WDR25: variants seen among roughly 807,000 people sequenced by gnomAD.
WDR25 encodes WD repeat domain 25.
A neutral mutation model predicts 47.7 loss-of-function variants in WDR25; 35 were observed. The observed-to-expected ratio is 0.73, with a 90% CI of 0.56 to 0.97. The LOEUF (loss-of-function observed/expected upper bound fraction) is 0.97, where lower values mean the gene tolerates loss of function less well. Among genes scored for constraint, WDR25 ranks in the 50% least tolerant of loss-of-function variants. The pLI is 0.00. For synonymous variants in WDR25, 248 were observed against 278.9 expected (o/e 0.89, Z 1.10); for missense variants, 634 against 704.7 (o/e 0.90, Z 1.14).
chr14:100,473,162 G>C (rs1467365292), intron 3 of WDR25, among the ~76,000 whole-genome samples: 4 of 152,220 alleles, frequency 2.6e-5, no homozygotes, highest in African/African-American at 9.6e-5. Context: ...GCTGTGGGCT[G>C]GGCCCTGGGC....
At chr14:100,471,317 C>G (rs979376250) in intron 3 of WDR25, among the ~76,000 whole-genome samples, 6 of 152,154 alleles carry the variant, frequency 3.9e-5, no homozygotes, top group Non-Finnish European at 5.9e-5. Context: ...GCCAGGTCCT[C>G]CTATCTGGGC....
intron 4 of WDR25, among the ~76,000 whole-genome samples, chr14:100,519,853 T>C (rs1352517109): frequency 8.3e-6 from 1 of 120,560 alleles, no homozygotes; most frequent in Admixed American, 8.0e-5. Flanking sequence ...CTATATATGC[T>C]ATATATATAC....
In WDR25 at chr14:100,468,621, A is replaced by G. The variant is rs1003297287; in HGVS notation, c.970+453A>G. ...GTTCTGCTTTAATGCCCACACTGAA[A>G]AGGCACTTGGGTAGGATGGATTCGT... is the stretch of plus-strand genomic sequence containing the variant. On this transcript the variant is annotated intron_variant, in intron 3 of 6. Transcript: ENST00000402312. This position sits in a 1 kb window ranked among gnomAD's most constrained non-coding sequence, Gnocchi z 4.5. Among the ~76,000 whole-genome samples, 2 of 152,168 alleles carry G rather than the reference A, an allele frequency of 1.3e-5. No homozygotes were observed. The highest frequency in any genetic ancestry group is 4.8e-5 in the African/African-American group (2 of 41,428).
intron 2 of WDR25, among the ~76,000 whole-genome samples, chr14:100,412,400 GA>G (rs1319731635): frequency 1.3e-5 from 2 of 152,102 alleles, no homozygotes; most frequent in Non-Finnish European, 2.9e-5. Context: ...AGTAGACCTA[GA>G]AACGTGTCTT....
chr14:100,412,544 A>G lies in WDR25; in HGVS notation c.822+30798A>G, dbSNP rs557527043. ...TGATTGTAAGTATGCATGTGCGTCT[A>G]CGTTAATAAGTTAAACACAAATACA... On this transcript the variant is annotated intron_variant, in intron 2 of 6. Coordinates refer to ENST00000402312, the MANE Select transcript of WDR25 (RefSeq NM_001161476.3). Among the ~76,000 whole-genome samples the G allele has an allele frequency of 6.2e-4, 95 of 152,362 alleles. 3 individuals are homozygous for G. In the South Asian group the frequency reaches 0.019, roughly 31 times the overall value.
intron 2 of WDR25, among the ~76,000 whole-genome samples, chr14:100,413,507 G>A (rs1389732181): frequency 2.1e-4 from 31 of 150,976 alleles, no homozygotes; most frequent in East Asian, 5.9e-4. Flanking sequence ...TCCGCCTCCC[G>A]GGTTCACGCC....
At chr14:100,501,234 G>A (rs2140348026) in intron 4 of WDR25, among the ~76,000 whole-genome samples, 1 of 152,254 alleles carries the variant, frequency 6.6e-6, no homozygotes, top group African/African-American at 2.4e-5. Flanking sequence ...TTCCCAAAGT[G>A]GTCACGAGGA....
At chr14:100,387,104 TG>T (rs1897037561) in intron 2 of WDR25, among the ~76,000 whole-genome samples, 1 of 151,560 alleles carries the variant, frequency 6.6e-6, no homozygotes, top group African/African-American at 2.4e-5. Flanking sequence ...ACTGGTAAAA[TG>T]GGGATAATTG....
intron 2 of WDR25, among the ~76,000 whole-genome samples, chr14:100,413,280 C>A (rs1035025576): frequency 6.6e-6 from 1 of 152,222 alleles, no homozygotes; most frequent in Non-Finnish European, 1.5e-5. Context: ...AGAACCTTTC[C>A]CCTGACCCAC....
At chr14:100,448,878 T>C (rs1367378459) in intron 2 of WDR25, among the ~76,000 whole-genome samples, 1 of 151,758 alleles carries the variant, frequency 6.6e-6, no homozygotes, top group Non-Finnish European at 1.5e-5. Flanking sequence ...GAGTGTCTCA[T>C]GGGAGACAGG....
intron 2 of WDR25, among the ~76,000 whole-genome samples, chr14:100,391,312 G>A (rs942216064): frequency 6.6e-6 from 1 of 152,122 alleles, no homozygotes; most frequent in South Asian, 2.1e-4. Flanking sequence ...TCCGAGGCAG[G>A]CCCTGCGCCA....
Position 100,404,279 on chromosome 14 carries a change from G to A in WDR25, c.822+22533G>A, listed in dbSNP as rs2140176889. ...GTGCGGAGCTGGGAATGGAGTCCAG[G>A]GCTGTTTGCTCCCAAAGTCTATGTT... On this transcript the variant is annotated intron_variant, in intron 2 of 6. Transcript: ENST00000402312. This position sits in a 1 kb window ranked among gnomAD's most constrained non-coding sequence, Gnocchi z 4.6. 6.6e-6 allele frequency among the ~76,000 whole-genome samples: 1 copy of A among 152,332 alleles called. No homozygotes were observed. Among genetic ancestry groups the A allele is most frequent in the South Asian group, 2.1e-4 (1 of 4,832 alleles).
In WDR25 at chr14:100,498,818, G is replaced by A. The variant is rs1480663672; in HGVS notation, c.1101+14694G>A. On this transcript the variant is annotated intron_variant, in intron 4 of 6. Transcript: ENST00000402312. This position sits in a 1 kb window ranked among gnomAD's most constrained non-coding sequence, Gnocchi z 4.2. ...CCCTGATTTGGAATGGTTTCTACTC[G>A]AAGGGGTATCTTTCTCTAATAGGAA... 2.0e-5 allele frequency among the ~76,000 whole-genome samples: 3 copies of A among 152,190 alleles called. No homozygotes were observed. Among genetic ancestry groups the A allele is most frequent in the East Asian group, 3.9e-4 (2 of 5,190 alleles).
In WDR25 at chr14:100,530,007, G is replaced by C; in HGVS notation, c.1601G>C (p.Cys534Ser). The change falls in exon 7 of 7, where the codon TGC becomes TCC. Residue 534 changes from cysteine (C) to serine (S), a missense_variant. By Grantham distance (112) the Cys-to-Ser change is moderately radical. Transcript: ENST00000402312. ...GTGCTGCCCTCCGTCCTCGCCACCTGCTCCTGGGGAGGGGACATGAAGATC... is the reference window on the plus strand; with the variant it reads ...GTGCTGCCCTCCGTCCTCGCCACCTCCTCCTGGGGAGGGGACATGAAGATC... The part of the protein sequence containing the change: ...HPVLPSVLAT[C>S]SWGGDMKIWH 6.2e-7 allele frequency: 1 copy of C among 1,613,136 alleles called. No individual in the cohort carries two copies. The highest frequency in any genetic ancestry group is 8.5e-7 in the Non-Finnish European group (1 of 1,179,788).
At chr14:100,491,135 C>T (rs183915571) in intron 4 of WDR25, among the ~76,000 whole-genome samples, 3 of 152,316 alleles carry the variant, frequency 2.0e-5, no homozygotes, top group Non-Finnish European at 4.4e-5. Flanking sequence ...GCAGGCATCA[C>T]GCTGTGCACG....
At chr14:100,528,974 C>T (rs2030327848) in intron 5 of WDR25, 94 bp from the exon 6 acceptor site, 6 of 1,432,336 alleles carry the variant, frequency 4.2e-6, no homozygotes, top group East Asian at 2.4e-5. Context: ...ATGGAGACAC[C>T]CAGCTAGGGT....
At chr14:100,526,081 A>G in intron 5 of WDR25, 41 bp downstream of exon 5, 1 of 1,608,606 alleles carries the variant, frequency 6.2e-7, no homozygotes, top group South Asian at 1.1e-5. Flanking sequence ...TTTCAGCCAC[A>G]GAGCGTATCC....
intron 2 of WDR25, among the ~76,000 whole-genome samples, chr14:100,462,359 T>A (rs530433036): frequency 6.6e-6 from 1 of 152,358 alleles, no homozygotes; most frequent in South Asian, 2.1e-4. Flanking sequence ...CAGTTTGGGA[T>A]CTCTAATTAC....
chr14:100,378,683 G>A lies in WDR25; in HGVS notation c.-16+2188G>A, dbSNP rs1348708906. ...GGGAAGAATGTTCCAGGCAGGCCGG[G>A]CGCGGTGGCTCACGCCTGTAATCCC... On this transcript the variant is annotated intron_variant, in intron 1 of 6. Coordinates refer to ENST00000402312, the MANE Select transcript of WDR25 (RefSeq NM_001161476.3). Among the ~76,000 whole-genome samples the A allele has an allele frequency of 7.8e-5, 2 of 25,500 alleles. 1 individual carries two copies. Among genetic ancestry groups the A allele is most frequent in the Non-Finnish European group, 4.5e-4 (2 of 4,448 alleles). 16.7% of individuals were successfully genotyped at this position (25,500 alleles called of 152,430 possible).
Sources: allele counts gnomAD v4.1 joint callset (sites outside exome capture counted in the v4.1 genomes callset), GRCh38; gene constraint gnomAD v4.1.1; non-coding constraint Gnocchi (gnomAD v3.1); transcripts MANE v1.5; gene names NCBI Gene and HGNC (gene_info 2026-07-23, HGNC 2026-07-21).